Variants in SZRD1 observed in about 807,000 individuals in gnomAD.
SZRD1 encodes the protein SUZ RNA binding domain containing 1.
Under a neutral mutation model 17.6 loss-of-function variants are expected in SZRD1, and 7 were observed. The observed-to-expected ratio is 0.40, with a 90% CI of 0.23 to 0.75. The LOEUF (loss-of-function observed/expected upper bound fraction) is 0.75, where lower values mean the gene tolerates loss of function less well. Ranked by LOEUF, SZRD1 falls within the 30% of genes least tolerant of loss-of-function variation. SZRD1 has a pLI of 0.38. For missense variants in SZRD1, 178 were observed against 201.8 expected (o/e 0.88, Z 0.71); for synonymous variants, 77 against 77.9 (o/e 0.99, Z 0.06).
In SZRD1 at chr1:16,371,132, G is replaced by A. The variant is rs529684765; in HGVS notation, c.51+3824G>A. On this transcript the variant is annotated intron_variant, in intron 1 of 3. Transcript: ENST00000401088. ...GAAACTACACAAAAATCCAGCGGCA[G>A]TTCTAATCCTTGGAAGTAAAGGATT... is the stretch of plus-strand genomic sequence containing the variant. Among the ~76,000 whole-genome samples the A allele has an allele frequency of 5.9e-5, 9 of 152,306 alleles. No individual in the cohort carries two copies. The South Asian group carries it at 1.9e-3, about 32-fold the overall frequency.
chr1:16,379,009 G>A (rs550142138), intron 1 of SZRD1, among the ~76,000 whole-genome samples: 1 of 152,168 alleles, frequency 6.6e-6, no homozygotes, highest in Non-Finnish European at 1.5e-5. Context: ...TTACAGGTGT[G>A]AGCCACTGTG....
intron 1 of SZRD1, among the ~76,000 whole-genome samples, chr1:16,371,269 C>T (rs1436262420): frequency 6.7e-6 from 1 of 148,844 alleles, no homozygotes; most frequent in African/African-American, 2.5e-5. Flanking sequence ...TCACTGCAGT[C>T]TCAGGCAATT....
At chr1:16,388,604 T>G (rs907590337) in intron 1 of SZRD1, among the ~76,000 whole-genome samples, 1 of 151,012 alleles carries the variant, frequency 6.6e-6, no homozygotes, top group Non-Finnish European at 1.5e-5. Flanking sequence ...TTTATTAATA[T>G]GAAACAATAC....
At chr1:16,375,765 T>TA (rs2100703742) in intron 1 of SZRD1, among the ~76,000 whole-genome samples, 1 of 152,294 alleles carries the variant, frequency 6.6e-6, no homozygotes, top group South Asian at 2.1e-4. Flanking sequence ...TATGTACAGC[T>TA]AAAATTGCAT....
chr1:16,382,627 T>A (rs995556192), intron 1 of SZRD1, among the ~76,000 whole-genome samples: 1 of 151,766 alleles, frequency 6.6e-6, no homozygotes, highest in Non-Finnish European at 1.5e-5. Flanking sequence ...CCCGAGCAGC[T>A]GGGATTACAG....
At chr1:16,375,785 G>A (rs1570004687) in intron 1 of SZRD1, among the ~76,000 whole-genome samples, 1 of 152,270 alleles carries the variant, frequency 6.6e-6, no homozygotes, top group South Asian at 2.1e-4. Context: ...TTCTTCAGGG[G>A]CCATGGCGAT....
In SZRD1 at chr1:16,397,106, C is replaced by T. The variant is rs541267123; in HGVS notation, c.*1966C>T. ...ATAGAGGTAGTCCAGGTGGGAACGC[C>T]AGAAGTGCTGATTGCCCAGCCATTG... is the stretch of plus-strand genomic sequence containing the variant. On this transcript the variant is annotated 3_prime_UTR_variant, in exon 4 of 4. Coordinates refer to ENST00000401088, the MANE Select transcript of SZRD1 (RefSeq NM_001114600.3). This position sits in a 1 kb window ranked among gnomAD's most constrained non-coding sequence, Gnocchi z 5.4. 1 of 152,366 alleles carries T rather than the reference C, an allele frequency of 6.6e-6. No individual in the cohort carries two copies. Among genetic ancestry groups the T allele is most frequent in the Non-Finnish European group, 1.5e-5 (1 of 68,044 alleles). 9.4% of individuals were successfully genotyped at this position (152,366 alleles called of 1,614,324 possible). A position where few individuals can be genotyped will look rare whatever the true frequency, so the allele number is the denominator to read the frequency against.
intron 1 of SZRD1, chr1:16,369,316 AC>A: frequency 1.4e-6 from 1 of 706,514 alleles, no homozygotes; most frequent in African/African-American, 1.8e-5. Flanking sequence ...CTCGGATGTC[AC>A]GTTGATCTTG....
intron 1 of SZRD1, chr1:16,387,802 G>T: frequency 2.4e-6 from 1 of 422,688 alleles, no homozygotes; most frequent in Non-Finnish European, 4.7e-6. Context: ...AAGGTAATAG[G>T]CAATAGACTA....
At chr1:16,373,473 G>C (rs2082945807) in intron 1 of SZRD1, among the ~76,000 whole-genome samples, 1 of 151,618 alleles carries the variant, frequency 6.6e-6, no homozygotes, top group Non-Finnish European at 1.5e-5. Flanking sequence ...CAGCTACTCG[G>C]GAGGCCAAGG....
chr1:16,383,401 G>A (rs2083138232), intron 1 of SZRD1, among the ~76,000 whole-genome samples: 1 of 151,536 alleles, frequency 6.6e-6, no homozygotes, highest in African/African-American at 2.4e-5. Context: ...TTTATTTTTT[G>A]TAGAGTTGAG....
Position 16,398,015 on chromosome 1 carries a change from C to G in SZRD1, c.*2875C>G, listed in dbSNP as rs993604190. On this transcript the variant is annotated 3_prime_UTR_variant, in exon 4 of 4. Coordinates refer to ENST00000401088, the MANE Select transcript of SZRD1 (RefSeq NM_001114600.3). ...GAAGGGCATGGGAGGGAGGGCTGCA[C>G]CCCTGCAGTCTTACTCTGCTGGTGT... The G allele has an allele frequency of 8.2e-6, 7 of 851,624 alleles. No homozygotes were observed. In the African/African-American group the frequency reaches 1.3e-4, roughly 16 times the overall value. The allele number at this position is 851,624 out of a possible 1,614,324, so 52.8% of individuals were successfully genotyped here.
Position 16,393,302 on chromosome 1 carries a change from A to G in SZRD1, c.176A>G (p.Gln59Arg). 1 of 1,614,178 alleles carries G rather than the reference A, an allele frequency of 6.2e-7. No homozygotes were observed. The highest frequency in any genetic ancestry group is 8.5e-7 in the Non-Finnish European group (1 of 1,180,020). The change falls in exon 3 of 4, where the codon CAG becomes CGG. Residue 59 changes from glutamine (Q) to arginine (R), a missense_variant. By Grantham distance (43) the Gln-to-Arg change is conservative (BLOSUM62 1). Transcript: ENST00000401088. The surrounding 1 kb of genome is among the most constrained non-coding windows in gnomAD (Gnocchi z 5.6). ...AGCCTTCCCGCGGGGCCCCCTCCACAGATCCGCATCCTCAAGAGGCCCACC... is the reference window on the plus strand; with the variant it reads ...AGCCTTCCCGCGGGGCCCCCTCCACGGATCCGCATCCTCAAGAGGCCCACC... Reference protein sequence around the residue: ...DDSLPAGPPPQIRILKRPTSN... With the variant: ...DDSLPAGPPPRIRILKRPTSN...
At chr1:16,373,604 GT>G (rs762266701) in intron 1 of SZRD1, among the ~76,000 whole-genome samples, 232 of 142,488 alleles carry the variant, frequency 1.6e-3, no homozygotes, top group South Asian at 0.013. Context: ...AACAAAACAC[GT>G]TTTTTTTTTT....
intron 1 of SZRD1, among the ~76,000 whole-genome samples, chr1:16,374,540 A>G (rs537791888): frequency 1.2e-4 from 19 of 152,236 alleles, no homozygotes; most frequent in African/African-American, 4.3e-4. Flanking sequence ...TTTTACTTCT[A>G]TGACAGGAGA....
At chr1:16,369,949 C>G (rs905715047) in intron 1 of SZRD1, among the ~76,000 whole-genome samples, 1 of 151,138 alleles carries the variant, frequency 6.6e-6, no homozygotes, top group Non-Finnish European at 1.5e-5. Flanking sequence ...TTATTGACAT[C>G]ATGAACACTT....
At chr1:16,374,108 T>C (rs1181076319) in intron 1 of SZRD1, among the ~76,000 whole-genome samples, 2 of 152,212 alleles carry the variant, frequency 1.3e-5, no homozygotes, top group Non-Finnish European at 2.9e-5. Flanking sequence ...AGTTTGGGGC[T>C]ATCTGGTGCT....
intron 1 of SZRD1, chr1:16,369,496 C>G: frequency 1.1e-6 from 1 of 925,066 alleles, no homozygotes; most frequent in Non-Finnish European, 1.8e-6. Flanking sequence ...CTTTTTTTTG[C>G]CCCCCTTCAC....
chr1:16,381,024 A>T (rs1479318317), intron 1 of SZRD1, among the ~76,000 whole-genome samples: 1 of 150,350 alleles, frequency 6.7e-6, no homozygotes, highest in Non-Finnish European at 1.5e-5. Flanking sequence ...TCAAGGCTAC[A>T]GTGAGCTATG....
Sources: allele counts gnomAD v4.1 joint callset (sites outside exome capture counted in the v4.1 genomes callset), GRCh38; gene constraint gnomAD v4.1.1; non-coding constraint Gnocchi (gnomAD v3.1); transcripts MANE v1.5; gene names NCBI Gene and HGNC (gene_info 2026-07-23, HGNC 2026-07-21).